Variants in IMMP2L observed in about 807,000 individuals in gnomAD.
IMMP2L encodes mitochondrial inner membrane protease subunit 2.
Under a neutral mutation model 19.3 loss-of-function variants are expected in IMMP2L, and 18 were observed. The observed-to-expected ratio is 0.93, with a 90% CI of 0.64 to 1.38. The LOEUF (loss-of-function observed/expected upper bound fraction) is 1.38. Among genes scored for constraint, IMMP2L ranks in the 40% most tolerant of loss-of-function variants. The probability of loss-of-function intolerance (pLI) is 0.00; values close to 1 mark genes in which losing one functional copy is unlikely to be tolerated. For synonymous variants in IMMP2L, 76 were observed against 73.0 expected, an observed-to-expected ratio of 1.04 and a Z score of -0.21; for missense variants, 233 against 218.2, an observed-to-expected ratio of 1.07 and a Z score of -0.43.
At chr7:110,805,934 G>C (rs1308893687) in intron 5 of IMMP2L, among the ~76,000 whole-genome samples, 11 of 151,982 alleles carry the variant, frequency 7.2e-5, no homozygotes, top group Admixed American at 7.2e-4. Flanking sequence ...CTTTATATTT[G>C]GCATTATCTA....
chr7:111,157,808 G>A (rs897320146), intron 3 of IMMP2L, among the ~76,000 whole-genome samples: 1 of 151,932 alleles, frequency 6.6e-6, no homozygotes, highest in South Asian at 2.1e-4. Flanking sequence ...ATTACACATT[G>A]TATACCCATA....
chr7:110,699,472 G>T (rs1794107129), intron 5 of IMMP2L, among the ~76,000 whole-genome samples: 1 of 152,074 alleles, frequency 6.6e-6, no homozygotes, highest in African/African-American at 2.4e-5. Context: ...ACCAATAGAA[G>T]ACAGAAATGG....
intron 3 of IMMP2L, among the ~76,000 whole-genome samples, chr7:110,991,466 AT>A (rs983055603): frequency 6.6e-6 from 1 of 152,118 alleles, no homozygotes; most frequent in Non-Finnish European, 1.5e-5. Flanking sequence ...AAACGCCATC[AT>A]TTTTTTAATC....
At chr7:111,382,547 C>T (rs1831305415) in intron 3 of IMMP2L, among the ~76,000 whole-genome samples, 1 of 151,980 alleles carries the variant, frequency 6.6e-6, no homozygotes, top group Admixed American at 6.6e-5. Context: ...AAGTAGTGAG[C>T]ACAGAATCAA....
chr7:110,945,311 A>AT (rs1817143411), intron 4 of IMMP2L, among the ~76,000 whole-genome samples: 1 of 152,020 alleles, frequency 6.6e-6, no homozygotes, highest in Admixed American at 6.6e-5. Context: ...AGTGTGAAGA[A>AT]TGGATTGGCA....
chr7:110,925,948 C>T (rs1814805290), intron 4 of IMMP2L, among the ~76,000 whole-genome samples: 1 of 151,994 alleles, frequency 6.6e-6, no homozygotes, highest in East Asian at 1.9e-4. Context: ...CTTGATCTTA[C>T]TCACTATATT....
chr7:110,731,117 A>G (rs1282153682), intron 5 of IMMP2L, among the ~76,000 whole-genome samples: 2 of 152,210 alleles, frequency 1.3e-5, no homozygotes, highest in Non-Finnish European at 2.9e-5. Context: ...TTATATCTTC[A>G]TTTAACTTCT....
intron 3 of IMMP2L, among the ~76,000 whole-genome samples, chr7:111,278,620 A>G (rs1819365811): frequency 6.6e-6 from 1 of 152,210 alleles, no homozygotes; most frequent in African/African-American, 2.4e-5. Context: ...TGATTTACAC[A>G]TATTTGTATT....
intron 3 of IMMP2L, among the ~76,000 whole-genome samples, chr7:110,983,856 T>C (rs1370071770): frequency 1.3e-5 from 2 of 151,984 alleles, no homozygotes; most frequent in Non-Finnish European, 2.9e-5. Context: ...CATTAAGATT[T>C]TAGTTTTTAA....
chr7:111,043,578 G>A (rs898102435), intron 3 of IMMP2L, among the ~76,000 whole-genome samples: 2 of 152,080 alleles, frequency 1.3e-5, no homozygotes, highest in Non-Finnish European at 2.9e-5. Context: ...TAAATATTAT[G>A]GGTTAAACAT....
intron 3 of IMMP2L, among the ~76,000 whole-genome samples, chr7:111,398,730 A>G (rs1275309222): frequency 1.3e-5 from 2 of 152,014 alleles, no homozygotes; most frequent in Admixed American, 1.3e-4. Flanking sequence ...AAAACCCTAA[A>G]GACTCCTACA....
chr7:111,193,508 C>A (rs1450408603), intron 3 of IMMP2L, among the ~76,000 whole-genome samples: 1 of 152,118 alleles, frequency 6.6e-6, no homozygotes, highest in African/African-American at 2.4e-5. Flanking sequence ...GCATCCATCT[C>A]CAACGACTTT....
chr7:110,706,939 T>C (rs1325334273), intron 5 of IMMP2L, among the ~76,000 whole-genome samples: 1 of 151,944 alleles, frequency 6.6e-6, no homozygotes, highest in East Asian at 1.9e-4. Flanking sequence ...CCCAGAATGA[T>C]GTTTCCTTGG....
intron 3 of IMMP2L, among the ~76,000 whole-genome samples, chr7:111,446,186 A>G (rs1005064279): frequency 6.6e-5 from 10 of 152,274 alleles, no homozygotes; most frequent in African/African-American, 1.9e-4. Flanking sequence ...CTGGAAGCTC[A>G]AACTGGGTGG....
At chr7:110,764,361 A>G (rs1030813702) in intron 5 of IMMP2L, among the ~76,000 whole-genome samples, 1 of 152,110 alleles carries the variant, frequency 6.6e-6, no homozygotes, top group Non-Finnish European at 1.5e-5. Flanking sequence ...CTGATTTTCA[A>G]GTTTTTAAAT....
At chr7:110,950,972 G>A (rs1286686550) in intron 4 of IMMP2L, among the ~76,000 whole-genome samples, 3 of 150,250 alleles carry the variant, frequency 2.0e-5, no homozygotes, top group Non-Finnish European at 3.0e-5. Context: ...CCTGTCACAT[G>A]CAACAACATG....
At chr7:110,759,234 T>C (rs1798208947) in intron 5 of IMMP2L, among the ~76,000 whole-genome samples, 1 of 152,066 alleles carries the variant, frequency 6.6e-6, no homozygotes, top group Non-Finnish European at 1.5e-5. Context: ...CCTATTGTAC[T>C]CTGTTCATAC....
intron 3 of IMMP2L, among the ~76,000 whole-genome samples, chr7:111,424,185 T>C (rs750741663): frequency 6.6e-6 from 1 of 151,910 alleles, no homozygotes; most frequent in Non-Finnish European, 1.5e-5. Context: ...ACAGCATCTG[T>C]AGAACCTGAT....
intron 5 of IMMP2L, among the ~76,000 whole-genome samples, chr7:110,835,682 T>C (rs1804386899): frequency 1.3e-5 from 2 of 152,116 alleles, no homozygotes; most frequent in South Asian, 4.1e-4. Flanking sequence ...TCTTTTTCTT[T>C]CTCTGTGAAT....
Sources: gnomAD v4.1 joint callset for allele counts (sites outside exome capture counted in the v4.1 genomes callset) on GRCh38, gnomAD v4.1.1 for gene constraint, MANE v1.5 for transcripts, NCBI Gene and HGNC (gene_info 2026-07-23, HGNC 2026-07-21) for gene names.